The following CLECL1 variants were observed in gnomAD, a reference collection of about 807,000 sequenced individuals.
CLECL1 encodes C-type lectin-like domain family 1.
chr12:9,731,351 T>C (rs1866445256), intron 1 of CLECL1, among the ~76,000 whole-genome samples: 1 of 152,210 alleles, frequency 6.6e-6, no homozygotes, highest in East Asian at 1.9e-4. Context: ...TGTGAGGTGC[T>C]AGAAACACAA....
At chr12:9,702,754 A>C in the CLECL1 span, among the ~76,000 whole-genome samples, 1 of 152,244 alleles carries the variant, frequency 6.6e-6, no homozygotes, top group African/African-American at 2.4e-5. Context: ...ATTTAAAAAG[A>C]AAACTAATGA....
chr12:9,705,060 C>G, the CLECL1 span, among the ~76,000 whole-genome samples: 1 of 152,182 alleles, frequency 6.6e-6, no homozygotes, highest in African/African-American at 2.4e-5. Context: ...TCAACACAAC[C>G]TTGCCAACAT....
the CLECL1 span, among the ~76,000 whole-genome samples, chr12:9,704,463 T>C: frequency 2.0e-5 from 3 of 152,204 alleles, no homozygotes; most frequent in African/African-American, 7.2e-5. Context: ...ATTTGTTACA[T>C]AGGTAAACAC....
At chr12:9,722,944 C>T in intron 3 of CLECL1, 131 bp from the exon 2 acceptor site, 1 of 583,478 alleles carries the variant, frequency 1.7e-6, no homozygotes, top group East Asian at 3.0e-5. Flanking sequence ...GTGCTTTGTT[C>T]CAGGGTACAT....
chr12:9,702,576 G>T, the CLECL1 span, among the ~76,000 whole-genome samples: 1 of 152,134 alleles, frequency 6.6e-6, no homozygotes, highest in African/African-American at 2.4e-5. Flanking sequence ...GCTTGGGACA[G>T]CCCTCTTCTG....
downstream of CLECL1, among the ~76,000 whole-genome samples, chr12:9,715,117 A>G (rs9668079): frequency 0.022 from 3,398 of 152,190 alleles, 139 homozygotes; most frequent in African/African-American, 0.078. Flanking sequence ...GCCAAACAGG[A>G]TCTTTTTTAT....
At chr12:9,713,067 G>A (rs1352705236), downstream of CLECL1, among the ~76,000 whole-genome samples, 1 of 152,112 alleles carries the variant, frequency 6.6e-6, no homozygotes, top group Non-Finnish European at 1.5e-5. Context: ...TTCCTTTTAA[G>A]GGCTCACAAC....
At chr12:9,712,413 A>G (rs974450664), downstream of CLECL1, among the ~76,000 whole-genome samples, 1 of 152,226 alleles carries the variant, frequency 6.6e-6, no homozygotes, top group Non-Finnish European at 1.5e-5. Flanking sequence ...CCAAACTCAC[A>G]TCTTCCTATA....
chr12:9,727,147 C>T (rs924245360), intron 3 of CLECL1, among the ~76,000 whole-genome samples: 13 of 151,474 alleles, frequency 8.6e-5, no homozygotes, highest in Middle Eastern at 3.2e-3. Context: ...TACATTCATA[C>T]GAGAGAGCAA....
chr12:9,703,110 G>T, the CLECL1 span, among the ~76,000 whole-genome samples: 1 of 152,152 alleles, frequency 6.6e-6, no homozygotes, highest in Non-Finnish European at 1.5e-5. Flanking sequence ...ACGTTCCAAA[G>T]TTCTCACCCA....
At chr12:9,711,589 TC>T (rs1237619701), downstream of CLECL1, among the ~76,000 whole-genome samples, 1 of 152,118 alleles carries the variant, frequency 6.6e-6, no homozygotes, top group African/African-American at 2.4e-5. Flanking sequence ...GATTGCTTCC[TC>T]CCTGATATTC....
downstream of CLECL1, among the ~76,000 whole-genome samples, chr12:9,713,383 T>C (rs1013001427): frequency 6.6e-6 from 1 of 152,276 alleles, no homozygotes; most frequent in African/African-American, 2.4e-5. Flanking sequence ...TTCTTTTTAG[T>C]GCCTGTTGCA....
chr12:9,712,396 T>A (rs1430348223), downstream of CLECL1, among the ~76,000 whole-genome samples: 1 of 152,258 alleles, frequency 6.6e-6, no homozygotes, highest in African/African-American at 2.4e-5. Flanking sequence ...GGCTCCCATG[T>A]ACTCCTCCAA....
At chr12:9,723,113 C>T (rs1476817532) in intron 3 of CLECL1, among the ~76,000 whole-genome samples, 1 of 152,204 alleles carries the variant, frequency 6.6e-6, no homozygotes, top group Non-Finnish European at 1.5e-5. Flanking sequence ...AACATCCAAG[C>T]TTCAAGGAAC....
the CLECL1 span, among the ~76,000 whole-genome samples, chr12:9,708,644 G>T: frequency 6.6e-6 from 1 of 152,178 alleles, no homozygotes; most frequent in Non-Finnish European, 1.5e-5. Flanking sequence ...CAACAGCAGG[G>T]AGAAAAGAAG....
upstream of CLECL1, among the ~76,000 whole-genome samples, chr12:9,734,299 G>T (rs1025202426): frequency 6.6e-6 from 1 of 152,114 alleles, no homozygotes; most frequent in Non-Finnish European, 1.5e-5. Flanking sequence ...CCTGGATGAG[G>T]CTTGAGCACC....
At chr12:9,712,600 A>G (rs1415767999), downstream of CLECL1, among the ~76,000 whole-genome samples, 1 of 152,220 alleles carries the variant, frequency 6.6e-6, no homozygotes, top group Non-Finnish European at 1.5e-5. Context: ...TAAAAGTGGC[A>G]AGAGTGGCCA....
At chr12:9,716,569 A>G in exon 3 of CLECL1, 1 of 233,830 alleles carries the variant, frequency 4.3e-6, no homozygotes, top group Non-Finnish European at 8.6e-6. Flanking sequence ...TGTCTACTTC[A>G]GCCATCTCCT....
intron 2 of CLECL1, among the ~76,000 whole-genome samples, chr12:9,727,699 T>C (rs1260177079): frequency 6.6e-6 from 1 of 151,822 alleles, no homozygotes; most frequent in African/African-American, 2.4e-5. Context: ...AGAAGAAACA[T>C]GTTTTTCTAA....
Sources: allele counts gnomAD v4.1 joint callset (sites outside exome capture counted in the v4.1 genomes callset), GRCh38; gene constraint gnomAD v4.1.1; transcripts MANE v1.5; gene names NCBI Gene and HGNC (gene_info 2026-07-23, HGNC 2026-07-21).